The following TRPM2 variants were observed in gnomAD, a reference collection of about 807,000 sequenced individuals.
TRPM2 encodes transient receptor potential cation channel subfamily M member 2.
In TRPM2, 161 loss-of-function variants were observed where a neutral mutation model predicts 174.0. The ratio of observed to expected loss-of-function variants is 0.93; its 90% CI spans 0.81 to 1.05. The LOEUF is 1.05. Among genes scored for constraint, TRPM2 ranks in the 50% least tolerant of loss-of-function variants. The pLI is 0.00. For missense variants in TRPM2, 2,057 were observed against 2,038.0 expected (o/e 1.01, Z -0.18); for synonymous variants, 954 against 861.3 (o/e 1.11, Z -1.88).
At chr21:44,433,610 G>A (rs1472427163) in intron 27 of TRPM2, among the ~76,000 whole-genome samples, 3 of 152,182 alleles carry the variant, frequency 2.0e-5, no homozygotes, top group South Asian at 4.1e-4. Flanking sequence ...CCCGGCCTTC[G>A]AGCTGAGGTC....
At position 44,406,584 on chromosome 21, in the gene TRPM2, T is replaced by C; in HGVS notation, c.2791-10T>C. On this transcript the variant is annotated splice_polypyrimidine_tract_variant and intron_variant, in intron 18 of 31. Coordinates refer to ENST00000397928, the MANE Select transcript of TRPM2 (RefSeq NM_003307.4). ...AGGAGAGTGTAGCCCACACACTCTCTGTCCTGCAGATGAAGGACGTCTTCT... is the reference window on the plus strand; with the variant it reads ...AGGAGAGTGTAGCCCACACACTCTCCGTCCTGCAGATGAAGGACGTCTTCT... 6.2e-7 allele frequency: 1 copy of C among 1,605,998 alleles called. No homozygotes were observed. Among genetic ancestry groups the C allele is most frequent in the East Asian group, 2.2e-5 (1 of 44,842 alleles).
chr21:44,399,387 G>A lies in TRPM2; in HGVS notation c.2154G>A (p.Leu718=), dbSNP rs2049536523. The part of the protein sequence containing the change: ...VSEAWGKTTC[L]QLALEAKDMK... ...AGGCCTGGGGGAAGACCACCTGCCT[G>A]CAGCTCGCCCTGGAGGCCAAGGACA... Residue 718 remains leucine (L), a synonymous_variant, in exon 14 of 32, where the codon CTG becomes CTA. Coordinates refer to ENST00000397928, the MANE Select transcript of TRPM2 (RefSeq NM_003307.4). This position sits in a 1 kb window ranked among gnomAD's most constrained non-coding sequence, Gnocchi z 4.6. 3.1e-6 allele frequency: 5 copies of A among 1,612,726 alleles called. No homozygotes were observed. The highest frequency in any genetic ancestry group is 1.3e-5 in the African/African-American group (1 of 75,040).
chr21:44,436,975 G>A (rs911758678), intron 28 of TRPM2, 87 bp from the exon 29 acceptor site: 12 of 1,227,306 alleles, frequency 9.8e-6, no homozygotes, highest in Admixed American at 2.1e-5. Context: ...ACACTGCCCC[G>A]CCCCAGGCAG....
At chr21:44,441,248 A>G (rs2329779) in intron 31 of TRPM2, among the ~76,000 whole-genome samples, 12,160 of 56,054 alleles carry the variant, frequency 0.22, 1,369 homozygotes, top group African/African-American at 0.46. Flanking sequence ...CCAGGCGACC[A>G]TAGGGCCCTG....
rs536921737 is a variant in TRPM2, at chr21:44,366,262, G to T, written c.424-492G>T. On this transcript the variant is annotated intron_variant, in intron 3 of 31. Coordinates refer to ENST00000397928, the MANE Select transcript of TRPM2 (RefSeq NM_003307.4). This position sits in a 1 kb window ranked among gnomAD's most constrained non-coding sequence, Gnocchi z 6.0. ...CAGAGCAGAGGGGATAGGGCAGAGG[G>T]GACAGGAGAGGGGACAGGAGAGGGG... Among the ~76,000 whole-genome samples the T allele has an allele frequency of 1.2e-5, 1 of 85,296 alleles. No individual in the cohort carries two copies. The highest frequency in any genetic ancestry group is 2.4e-5 in the Non-Finnish European group (1 of 41,200). The allele number at this position is 85,296 out of a possible 152,430, so 56.0% of individuals were successfully genotyped here.
intron 16 of TRPM2, among the ~76,000 whole-genome samples, chr21:44,404,592 G>A (rs1421317916): frequency 6.6e-6 from 1 of 152,200 alleles, no homozygotes; most frequent in African/African-American, 2.4e-5. Flanking sequence ...GTTCGGATTT[G>A]CTGACCGTGA....
chr21:44,426,552 T>G, intron 25 of TRPM2, 108 bp from the exon 26 acceptor site: 3 of 1,104,832 alleles, frequency 2.7e-6, no homozygotes, highest in Admixed American at 1.7e-5. Context: ...CATGTTGGGA[T>G]GTTGGGGTCG....
rs1316043365 is a variant in TRPM2, at chr21:44,399,833, G to A, written c.2208+392G>A. Among the ~76,000 whole-genome samples the A allele has an allele frequency of 2.6e-5, 4 of 152,132 alleles. No homozygotes were observed. The highest frequency in any genetic ancestry group is 1.9e-4 in the East Asian group (1 of 5,186). On this transcript the variant is annotated intron_variant, in intron 14 of 31. Coordinates refer to ENST00000397928, the MANE Select transcript of TRPM2 (RefSeq NM_003307.4). This position sits in a 1 kb window ranked among gnomAD's most constrained non-coding sequence, Gnocchi z 4.6. ...CCCAGGCATGGCTGCCCTCAGCATC[G>A]CCCTGGAACCCCCGGCAGGGCCTGG...
At chr21:44,352,562 A>T (rs966563577), upstream of TRPM2, among the ~76,000 whole-genome samples, 6 of 152,016 alleles carry the variant, frequency 3.9e-5, no homozygotes, top group Non-Finnish European at 7.4e-5. Flanking sequence ...ATGAGGGGGG[A>T]TTCCAGTCAG....
chr21:44,418,216 C>A (rs1027081951), intron 21 of TRPM2, 108 bp downstream of exon 21: 17 of 1,436,074 alleles, frequency 1.2e-5, no homozygotes, highest in African/African-American at 4.3e-5. Context: ...AGCAGGCGTG[C>A]AGGTCACTCA....
In TRPM2 at chr21:44,395,462, G is replaced by A. The variant is rs772926534; in HGVS notation, c.1843G>A (p.Val615Met). 5 of 1,613,020 alleles carry A rather than the reference G, an allele frequency of 3.1e-6. No individual in the cohort carries two copies. The Admixed American group carries it at 5.0e-5, about 16-fold the overall frequency. ...RSLYKRSSGH[V>M]TFTMDPIRDL... The stretch of plus-strand genomic sequence containing the variant: ...CCTCTACAAGCGTTCCTCAGGCCAT[G>A]TGACCTTCACCATGGACCCCATCCG... Residue 615 changes from valine to methionine, a missense_variant, in exon 12 of 32, where the codon GTG becomes ATG. Coordinates refer to ENST00000397928, the MANE Select transcript of TRPM2 (RefSeq NM_003307.4).
chr21:44,423,409 G>C (rs2050622387), intron 22 of TRPM2: 1 of 520,270 alleles, frequency 1.9e-6, no homozygotes, highest in Non-Finnish European at 3.5e-6. Flanking sequence ...CAGGCTGCCA[G>C]AGCTTGCCAT....
rs903051108 is a variant in TRPM2 at position 44,366,959 on chromosome 21, G to C, written c.604+25G>C. On this transcript the variant is annotated intron_variant, in intron 4 of 31. Coordinates refer to ENST00000397928, the MANE Select transcript of TRPM2 (RefSeq NM_003307.4). The surrounding 1 kb of genome is among the most constrained non-coding windows in gnomAD (Gnocchi z 6.0). ...GGTAACTCGGAGGCTGGAGGGACAC[G>C]AGGCCCCGGCGGGTGGGGTGGGCTG... The C allele has an allele frequency of 3.2e-6, 5 of 1,552,992 alleles. No individual in the cohort carries two copies. In the South Asian group the frequency reaches 6.1e-5, roughly 19 times the overall value.
intron 5 of TRPM2, among the ~76,000 whole-genome samples, chr21:44,373,887 G>T (rs2048617154): frequency 6.6e-6 from 1 of 152,142 alleles, no homozygotes. Context: ...AGCAAAGTTG[G>T]CCTTCCCTCC....
rs1460427854 is a variant in TRPM2 at position 44,406,734 on chromosome 21, C to G, written c.2931C>G (p.Thr977=). The change falls in exon 19 of 32, where the codon ACC becomes ACG. Residue 977 remains threonine, a synonymous_variant. Transcript: ENST00000397928. ...FRGAVYHSYL[T]IFGQIPGYID... The stretch of plus-strand genomic sequence containing the variant: ...GGGCCGTCTACCACTCCTACCTCAC[C>G]ATCTTCGGGCAGATCCCGGGCTACA... The G allele has an allele frequency of 6.2e-7, 1 of 1,607,086 alleles. No homozygotes were observed. Among genetic ancestry groups the G allele is most frequent in the African/African-American group, 1.3e-5 (1 of 74,732 alleles).
chr21:44,413,752 G>T, intron 19 of TRPM2, 139 bp from the exon 20 acceptor site: 2 of 998,556 alleles, frequency 2.0e-6, no homozygotes, highest in Non-Finnish European at 1.5e-6. Context: ...AGAGGTGACA[G>T]CTGAGGTCAC....
chr21:44,418,408 C>T lies in TRPM2; in HGVS notation c.3329-15C>T, dbSNP rs371078518. 4.3e-5 allele frequency: 69 copies of T among 1,613,138 alleles called. No individual in the cohort carries two copies. Among genetic ancestry groups the T allele is most frequent in the Middle Eastern group, 3.3e-4 (2 of 6,074 alleles). Reference sequence around the variant, plus strand: ...AGGATTCCAGGTCCCCTGGTCTGTCCGCCCACCCTGACAGAGAACAAGCTG... The same window carrying T: ...AGGATTCCAGGTCCCCTGGTCTGTCTGCCCACCCTGACAGAGAACAAGCTG... On this transcript the variant is annotated splice_polypyrimidine_tract_variant and intron_variant, in intron 21 of 31. Coordinates refer to ENST00000397928, the MANE Select transcript of TRPM2 (RefSeq NM_003307.4).
intron 16 of TRPM2, among the ~76,000 whole-genome samples, chr21:44,402,392 C>T (rs1039059693): frequency 9.2e-5 from 14 of 152,196 alleles, no homozygotes; most frequent in Admixed American, 7.2e-4. Flanking sequence ...CCAGGGCATC[C>T]GGCCAGTCCC....
In TRPM2 at chr21:44,423,699, C is replaced by T. The variant is rs2050634543; in HGVS notation, c.3516C>T (p.Ser1172=). 1 of 1,612,112 alleles carries T rather than the reference C, an allele frequency of 6.2e-7. No individual in the cohort carries two copies. The highest frequency in any genetic ancestry group is 8.5e-7 in the Non-Finnish European group (1 of 1,179,636). The change falls in exon 23 of 32, where the codon TCC becomes TCT. Residue 1172 remains serine, a synonymous_variant. Coordinates refer to ENST00000397928, the MANE Select transcript of TRPM2 (RefSeq NM_003307.4). The stretch of plus-strand genomic sequence containing the variant: ...TGGACCCACTGAAGAGGTCGGGCTC[C>T]ATGGAGCAGAGGTTGGCCTCCCTGG... The part of the protein sequence containing the change: ...LDLDPLKRSG[S]MEQRLASLEE...
Sources: gnomAD v4.1 joint callset for allele counts (sites outside exome capture counted in the v4.1 genomes callset) on GRCh38, gnomAD v4.1.1 for gene constraint, Gnocchi (gnomAD v3.1) non-coding constraint, MANE v1.5 for transcripts, NCBI Gene and HGNC (gene_info 2026-07-23, HGNC 2026-07-21) for gene names.